FBXO4: variants seen among roughly 807,000 people sequenced by gnomAD.
FBXO4 encodes the protein F-box only protein 4.
Under a neutral mutation model 43.7 loss-of-function variants are expected in FBXO4, and 36 were observed. That is an observed-to-expected ratio of 0.82 (90% CI 0.63 to 1.09). The LOEUF is 1.09. Among genes scored for constraint, FBXO4 ranks in the 50% least tolerant of loss-of-function variants. The pLI is 0.00. For synonymous variants in FBXO4, 180 were observed against 165.6 expected (o/e 1.09, Z -0.67); for missense variants, 435 against 474.1 (o/e 0.92, Z 0.77).
chr5:41,938,928 G>A (rs760698592), intron 5 of FBXO4, among the ~76,000 whole-genome samples: 7 of 148,118 alleles, frequency 4.7e-5, no homozygotes, highest in Non-Finnish European at 1.0e-4. Context: ...CGCTTTTAAG[G>A]TCTCACCTGA....
chr5:41,927,203 C>G lies in FBXO4; in HGVS notation c.380C>G (p.Pro127Arg). 6.2e-7 allele frequency: 1 copy of G among 1,613,176 alleles called. No individual in the cohort carries two copies. Among genetic ancestry groups the G allele is most frequent in the Non-Finnish European group, 8.5e-7 (1 of 1,179,770 alleles). ...SLPDLEILKK[P>R]ISEVTDGAFF... ...CCAGATCTAGAAATCTTAAAAAAGCCTATATCTGAGGTCACTGATGGTGCA... is the reference window on the plus strand; with the variant it reads ...CCAGATCTAGAAATCTTAAAAAAGCGTATATCTGAGGTCACTGATGGTGCA... The change falls in exon 2 of 7, where the codon CCT becomes CGT. Residue 127 changes from proline (P) to arginine (R), a missense_variant. Pro to Arg is a moderately radical substitution (Grantham distance 103). Coordinates refer to ENST00000281623, the MANE Select transcript of FBXO4 (RefSeq NM_012176.3).
At chr5:41,982,901 A>C in the FBXO4 span, among the ~76,000 whole-genome samples, 1 of 151,762 alleles carries the variant, frequency 6.6e-6, no homozygotes, top group African/African-American at 2.4e-5. Flanking sequence ...CTGGTGTGTG[A>C]TGTTCCCCTC....
the FBXO4 span, among the ~76,000 whole-genome samples, chr5:41,947,955 T>C: frequency 6.6e-6 from 1 of 152,120 alleles, no homozygotes; most frequent in African/African-American, 2.4e-5. Flanking sequence ...TCAATTAAGT[T>C]GGTGTTATTC....
At chr5:41,999,600 A>G in the FBXO4 span, among the ~76,000 whole-genome samples, 4 of 145,202 alleles carry the variant, frequency 2.8e-5, no homozygotes, top group Admixed American at 7.1e-5. Flanking sequence ...ATTAGGCCAC[A>G]TGCTCACAAG....
chr5:41,997,311 G>T, the FBXO4 span, among the ~76,000 whole-genome samples: 2 of 152,198 alleles, frequency 1.3e-5, no homozygotes, highest in African/African-American at 4.8e-5. Flanking sequence ...CCAAATGAGA[G>T]AATTGAATGA....
chr5:42,025,112 G>T, the FBXO4 span, among the ~76,000 whole-genome samples: 963 of 118,680 alleles, frequency 8.1e-3, 9 homozygotes, highest in African/African-American at 0.033. Context: ...TTTTTGTTTT[G>T]TTTTTTTAGA....
chr5:41,934,031 C>T lies in FBXO4; in HGVS notation c.722+10C>T. On this transcript the variant is annotated intron_variant, in intron 4 of 6. Transcript: ENST00000281623. ...TATATTCAACTACCAGGTAAGGCTA[C>T]ATACTTGGTGGCTTAACTGAAACAT... is the stretch of plus-strand genomic sequence containing the variant. The T allele has an allele frequency of 6.2e-7, 1 of 1,613,272 alleles. No individual in the cohort carries two copies. The highest frequency in any genetic ancestry group is 8.5e-7 in the Non-Finnish European group (1 of 1,179,388).
the FBXO4 span, among the ~76,000 whole-genome samples, chr5:41,957,260 C>A: frequency 6.6e-6 from 1 of 151,824 alleles, no homozygotes; most frequent in African/African-American, 2.4e-5. Context: ...ATTTGATAAT[C>A]TATAACAGTT....
the FBXO4 span, among the ~76,000 whole-genome samples, chr5:42,034,961 G>T: frequency 6.6e-6 from 1 of 152,014 alleles, no homozygotes; most frequent in African/African-American, 2.4e-5. Context: ...GGGCAGAATG[G>T]CCATTTTCTT....
intron 6 of FBXO4, among the ~76,000 whole-genome samples, chr5:41,940,715 C>T (rs763324763): frequency 6.6e-6 from 1 of 152,200 alleles, no homozygotes; most frequent in Non-Finnish European, 1.5e-5. Flanking sequence ...TTCCCTGGAG[C>T]TCCAAAGACT....
chr5:42,026,866 T>A, the FBXO4 span, among the ~76,000 whole-genome samples: 691 of 152,094 alleles, frequency 4.5e-3, 4 homozygotes, highest in African/African-American at 0.016. Context: ...CTTGCATATG[T>A]TGAACCATTC....
chr5:42,012,324 A>ATG, the FBXO4 span, among the ~76,000 whole-genome samples: 742 of 151,066 alleles, frequency 4.9e-3, 3 homozygotes, highest in Non-Finnish European at 8.1e-3. Context: ...AGATGTGAGC[A>ATG]TGTGTGTGTG....
At chr5:41,994,515 C>T in the FBXO4 span, among the ~76,000 whole-genome samples, 1 of 152,142 alleles carries the variant, frequency 6.6e-6, no homozygotes, top group Non-Finnish European at 1.5e-5. Flanking sequence ...AACCTTCATT[C>T]CTGAAGGGTC....
intron 3 of FBXO4, 60 bp from the exon 4 acceptor site, chr5:41,933,884 AGT>A: frequency 1.7e-5 from 24 of 1,372,640 alleles, no homozygotes; most frequent in Non-Finnish European, 2.3e-5. Context: ...GGTAATTTTC[AGT>A]GTGATCTTTT....
chr5:42,010,135 C>T, the FBXO4 span, among the ~76,000 whole-genome samples: 1 of 152,118 alleles, frequency 6.6e-6, no homozygotes, highest in African/African-American at 2.4e-5. Flanking sequence ...AGTATTTGTT[C>T]TTTTTTGAAT....
the FBXO4 span, among the ~76,000 whole-genome samples, chr5:42,000,069 C>A: frequency 6.6e-6 from 1 of 152,122 alleles, no homozygotes; most frequent in African/African-American, 2.4e-5. Flanking sequence ...TGATATCATG[C>A]AGCATTTATC....
chr5:41,942,521 A>C (rs1752021573), downstream of FBXO4, among the ~76,000 whole-genome samples: 1 of 152,140 alleles, frequency 6.6e-6, no homozygotes, highest in Non-Finnish European at 1.5e-5. Flanking sequence ...GTCACTCACC[A>C]GATTTAAACT....
chr5:42,016,396 G>A, the FBXO4 span, among the ~76,000 whole-genome samples: 2 of 151,188 alleles, frequency 1.3e-5, no homozygotes, highest in African/African-American at 4.9e-5. Context: ...ATTATATGAT[G>A]ACATGATGAT....
chr5:42,020,160 A>C, the FBXO4 span, among the ~76,000 whole-genome samples: 2 of 152,172 alleles, frequency 1.3e-5, no homozygotes, highest in Non-Finnish European at 2.9e-5. Flanking sequence ...TAGTGCCCCC[A>C]ATATTTCAGT....
Sources: gnomAD v4.1 joint callset for allele counts (sites outside exome capture counted in the v4.1 genomes callset) on GRCh38, gnomAD v4.1.1 for gene constraint, MANE v1.5 for transcripts, NCBI Gene and HGNC (gene_info 2026-07-23, HGNC 2026-07-21) for gene names.